Variants in CDH12 observed in about 807,000 individuals in gnomAD.
CDH12 encodes the protein cadherin-12.
Under a neutral mutation model 74.1 loss-of-function variants are expected in CDH12, and 41 were observed. The ratio of observed to expected loss-of-function variants is 0.55; its 90% CI spans 0.43 to 0.72. The LOEUF (loss-of-function observed/expected upper bound fraction) is 0.72. Among genes scored for constraint, CDH12 ranks in the 30% least tolerant of loss-of-function variants. The pLI is 0.00. For synonymous variants in CDH12, 399 were observed against 355.0 expected, an observed-to-expected ratio of 1.12 and a Z score of -1.39; for missense variants, 945 against 977.2, an observed-to-expected ratio of 0.97 and a Z score of 0.44.
At chr5:21,929,509 G>A (rs1034453850) in intron 6 of CDH12, among the ~76,000 whole-genome samples, 3 of 151,896 alleles carry the variant, frequency 2.0e-5, no homozygotes, top group Non-Finnish European at 2.9e-5. Context: ...GATCTGACAG[G>A]AGGCAGAGCT....
At chr5:22,494,521 T>C (rs1210173700) in intron 2 of CDH12, among the ~76,000 whole-genome samples, 1 of 152,250 alleles carries the variant, frequency 6.6e-6, no homozygotes, top group Admixed American at 6.5e-5. Context: ...TTTCAATGTC[T>C]AATGTAAGAA....
rs535159506 is a variant in CDH12 at position 22,586,357 on chromosome 5, A to T, written c.-522-80993T>A. Among the ~76,000 whole-genome samples, 286 of 152,150 alleles carry T rather than the reference A, an allele frequency of 1.9e-3. 1 individual carries two copies. The highest frequency in any genetic ancestry group is 6.6e-3 in the African/African-American group (272 of 41,508). On this transcript the variant is annotated intron_variant, in intron 1 of 14. Transcript: ENST00000382254. ...CTGTTGTGGGGTGGGGGGAGTGAGG[A>T]GGGATAGCATTAGGAGACATACCTA...
At chr5:22,625,427 G>A (rs1580828177) in intron 1 of CDH12, among the ~76,000 whole-genome samples, 2 of 152,134 alleles carry the variant, frequency 1.3e-5, no homozygotes, top group South Asian at 2.1e-4. Flanking sequence ...CACAACCCAC[G>A]ATCCCATGGA....
chr5:22,058,257 G>A (rs186417289), intron 5 of CDH12, among the ~76,000 whole-genome samples: 2 of 151,896 alleles, frequency 1.3e-5, no homozygotes, highest in Non-Finnish European at 2.9e-5. Flanking sequence ...GGGCTTCACC[G>A]CGTTGCCCAG....
chr5:22,584,331 C>T (rs2126788242), intron 1 of CDH12, among the ~76,000 whole-genome samples: 1 of 152,278 alleles, frequency 6.6e-6, no homozygotes, highest in East Asian at 1.9e-4. Flanking sequence ...AACTCCTGAC[C>T]TCAGGTGATC....
Position 22,446,831 on chromosome 5 carries a change from T to A in CDH12, c.-427-41480A>T, listed in dbSNP as rs140745899. On this transcript the variant is annotated intron_variant, in intron 2 of 14. Coordinates refer to ENST00000382254, the MANE Select transcript of CDH12 (RefSeq NM_004061.5). ...AAAATATTTTTTCAAATTGTAAACA[T>A]TAAATATGAAAGTTTTATAATGTAA... Among the ~76,000 whole-genome samples the A allele has an allele frequency of 3.2e-3, 491 of 152,242 alleles. 1 individual carries two copies. The highest frequency in any genetic ancestry group is 0.011 in the African/African-American group (468 of 41,566).
intron 6 of CDH12, among the ~76,000 whole-genome samples, chr5:21,938,240 A>G (rs1319518564): frequency 1.3e-5 from 2 of 151,968 alleles, no homozygotes; most frequent in Non-Finnish European, 2.9e-5. Flanking sequence ...TTTAATGACT[A>G]CTGTTTTGTA....
At chr5:22,120,919 GACAAC>G (rs1426559320) in intron 4 of CDH12, among the ~76,000 whole-genome samples, 1 of 152,034 alleles carries the variant, frequency 6.6e-6, no homozygotes, top group Non-Finnish European at 1.5e-5. Flanking sequence ...ACCCAATAGA[GACAAC>G]ACAAGTAAAA....
chr5:22,426,246 T>A (rs2126509392), intron 2 of CDH12, among the ~76,000 whole-genome samples: 1 of 151,944 alleles, frequency 6.6e-6, no homozygotes, highest in Admixed American at 6.5e-5. Context: ...TCAGGTGTCT[T>A]ATTTAATTTT....
At chr5:22,546,515 C>T (rs904342500) in intron 1 of CDH12, among the ~76,000 whole-genome samples, 1 of 152,124 alleles carries the variant, frequency 6.6e-6, no homozygotes. Flanking sequence ...GTTAGGCAAT[C>T]CCCTCTCTGT....
intron 1 of CDH12, among the ~76,000 whole-genome samples, chr5:22,618,933 G>A (rs146278939): frequency 1.1e-4 from 17 of 152,018 alleles, no homozygotes; most frequent in African/African-American, 3.4e-4. Context: ...CATGTCAGAC[G>A]TCCCTTTGCT....
intron 1 of CDH12, among the ~76,000 whole-genome samples, chr5:22,795,547 CATATA>C (rs1432051915): frequency 2.0e-5 from 3 of 151,204 alleles, no homozygotes; most frequent in Admixed American, 2.0e-4. Flanking sequence ...TATATACATA[CATATA>C]ATATATACAC....
intron 3 of CDH12, among the ~76,000 whole-genome samples, chr5:22,274,959 T>G (rs1035325379): frequency 1.3e-5 from 2 of 152,176 alleles, no homozygotes; most frequent in Admixed American, 1.3e-4. Context: ...GTGCACTGTA[T>G]GAGTTCCAAT....
chr5:22,438,168 C>T (rs1561404464), intron 2 of CDH12, among the ~76,000 whole-genome samples: 1 of 152,024 alleles, frequency 6.6e-6, no homozygotes, highest in Non-Finnish European at 1.5e-5. Flanking sequence ...TTTCCAGAAA[C>T]ATGAGGCCTG....
intron 1 of CDH12, among the ~76,000 whole-genome samples, chr5:22,613,337 T>C (rs1187502546): frequency 6.6e-6 from 1 of 152,108 alleles, no homozygotes; most frequent in African/African-American, 2.4e-5. Context: ...ATATTGACTT[T>C]AATGTGTCCT....
At chr5:22,595,625 C>G (rs1736565673) in intron 1 of CDH12, among the ~76,000 whole-genome samples, 1 of 152,148 alleles carries the variant, frequency 6.6e-6, no homozygotes, top group Admixed American at 6.5e-5. Context: ...ATCTCCTATG[C>G]CTAACCCAAC....
intron 1 of CDH12, among the ~76,000 whole-genome samples, chr5:22,711,105 A>G (rs1743265427): frequency 6.6e-6 from 1 of 152,174 alleles, no homozygotes; most frequent in Non-Finnish European, 1.5e-5. Context: ...AAAACTTTGT[A>G]AAATTGGGAA....
chr5:22,390,014 T>TAC (rs70959727), intron 3 of CDH12, among the ~76,000 whole-genome samples: 17,910 of 150,038 alleles, frequency 0.12, 1,217 homozygotes, highest in South Asian at 0.15. Flanking sequence ...GTAGTCAGAA[T>TAC]ACACACACAC....
At chr5:22,646,378 G>T (rs1286932424) in intron 1 of CDH12, among the ~76,000 whole-genome samples, 1 of 151,704 alleles carries the variant, frequency 6.6e-6, no homozygotes, top group East Asian at 1.9e-4. Context: ...CAGCACTCAG[G>T]CATGAATTGG....
Sources: allele counts gnomAD v4.1 joint callset (sites outside exome capture counted in the v4.1 genomes callset), GRCh38; gene constraint gnomAD v4.1.1; transcripts MANE v1.5; gene names NCBI Gene and HGNC (gene_info 2026-07-23, HGNC 2026-07-21).